THNSL1: variants seen among roughly 807,000 people sequenced by gnomAD.
THNSL1 encodes threonine synthase like 1.
Under a neutral mutation model 50.4 loss-of-function variants are expected in THNSL1, and 48 were observed. The observed-to-expected ratio is 0.95, with a 90% confidence interval of 0.76 to 1.21. THNSL1 has a LOEUF of 1.21. THNSL1 is among the 50% of genes most tolerant of loss of function. THNSL1 has a pLI of 0.00. For missense variants in THNSL1, 896 were observed against 871.7 expected (o/e 1.03, Z -0.35); for synonymous variants, 309 against 306.1 (o/e 1.01, Z -0.10).
the THNSL1 span, among the ~76,000 whole-genome samples, chr10:24,959,325 A>G: frequency 6.6e-6 from 1 of 152,216 alleles, no homozygotes; most frequent in Non-Finnish European, 1.5e-5. Context: ...CACTGGCAAT[A>G]TCCCAAGACA....
At chr10:24,984,815 T>C in the THNSL1 span, 8,952 of 1,613,864 alleles carry the variant, frequency 5.5e-3, 29 homozygotes, top group Non-Finnish European at 6.3e-3. Flanking sequence ...TCTTCCAGCC[T>C]CTGCTTGCGG....
At chr10:24,977,951 C>A in the THNSL1 span, among the ~76,000 whole-genome samples, 11 of 152,174 alleles carry the variant, frequency 7.2e-5, no homozygotes, top group Non-Finnish European at 1.5e-5. Context: ...GCTTCACAGA[C>A]ATCACTGACT....
At chr10:24,976,918 C>A in the THNSL1 span, among the ~76,000 whole-genome samples, 6 of 152,170 alleles carry the variant, frequency 3.9e-5, no homozygotes, top group Admixed American at 3.3e-4. Flanking sequence ...CAGATTAAAC[C>A]AATGAATTTA....
At chr10:24,959,983 T>C in the THNSL1 span, among the ~76,000 whole-genome samples, 1 of 152,218 alleles carries the variant, frequency 6.6e-6, no homozygotes, top group Admixed American at 6.5e-5. Context: ...CAGATTGACA[T>C]GCAACTTGGT....
chr10:24,990,750 G>C, the THNSL1 span: 1 of 843,656 alleles, frequency 1.2e-6, no homozygotes, highest in East Asian at 2.8e-5. Flanking sequence ...ACAAAATTCA[G>C]TGACTTTTTT....
chr10:25,020,811 G>T (rs1288276260), intron 1 of THNSL1, among the ~76,000 whole-genome samples: 4 of 151,916 alleles, frequency 2.6e-5, no homozygotes, highest in Middle Eastern at 3.4e-3. Flanking sequence ...ACTAATACAG[G>T]TATCAGAAAG....
chr10:24,960,540 C>T, the THNSL1 span, among the ~76,000 whole-genome samples: 1 of 152,186 alleles, frequency 6.6e-6, no homozygotes, highest in African/African-American at 2.4e-5. Flanking sequence ...GATTCTCCTG[C>T]CTCAGCCACC....
the THNSL1 span, among the ~76,000 whole-genome samples, chr10:24,997,597 C>A: frequency 1.3e-5 from 2 of 151,946 alleles, no homozygotes; most frequent in Non-Finnish European, 2.9e-5. Context: ...CTTTGTTGCT[C>A]AGGCTGGTCT....
chr10:25,011,854 A>G (rs1850453055), upstream of THNSL1, among the ~76,000 whole-genome samples: 1 of 152,270 alleles, frequency 6.6e-6, no homozygotes, highest in East Asian at 1.9e-4. Context: ...AGAAATTTGC[A>G]TAAGGAGAAG....
chr10:24,964,841 T>A, the THNSL1 span, among the ~76,000 whole-genome samples: 3 of 152,152 alleles, frequency 2.0e-5, no homozygotes, highest in African/African-American at 7.2e-5. Context: ...GGTGGGCAGA[T>A]GGTTTGAGCC....
rs1375635195 is a variant in THNSL1 at position 25,026,420 on chromosome 10, A to G, written c.*965A>G. ...AGGAAGGTTTTCCAAAATTAAGAGT[A>G]CTTGAGTAGTCTCAATAGGAGTGTA... On this transcript the variant is annotated 3_prime_UTR_variant, in exon 3 of 3. Coordinates refer to ENST00000376356, the MANE Select transcript of THNSL1 (RefSeq NM_024838.5). 1 of 167,080 alleles carries G rather than the reference A, an allele frequency of 6.0e-6. No individual in the cohort carries two copies. Among genetic ancestry groups the G allele is most frequent in the Non-Finnish European group, 1.5e-5 (1 of 68,122 alleles). 10.3% of individuals were successfully genotyped at this position (167,080 alleles called of 1,614,324 possible). A position where few individuals can be genotyped will look rare whatever the true frequency, so the allele number is the denominator to read the frequency against.
At chr10:24,990,397 T>C in the THNSL1 span, 34 of 1,539,438 alleles carry the variant, frequency 2.2e-5, no homozygotes, top group Non-Finnish European at 2.7e-5. Context: ...ATCAAAGTGA[T>C]GGTACACCTT....
the THNSL1 span, among the ~76,000 whole-genome samples, chr10:24,986,914 T>C: frequency 3.9e-5 from 6 of 152,228 alleles, no homozygotes; most frequent in Non-Finnish European, 8.8e-5. Context: ...ATTTTAAAGC[T>C]GAAATAATAT....
the THNSL1 span, among the ~76,000 whole-genome samples, chr10:24,995,070 C>T: frequency 1.3e-5 from 2 of 152,092 alleles, no homozygotes; most frequent in Non-Finnish European, 2.9e-5. Flanking sequence ...AATTACACAC[C>T]TTTTCAGATA....
the THNSL1 span, among the ~76,000 whole-genome samples, chr10:24,998,761 A>G: frequency 6.6e-6 from 1 of 152,154 alleles, no homozygotes; most frequent in Non-Finnish European, 1.5e-5. Context: ...GGGATCAAGT[A>G]TATAATTTTT....
rs374906882 is a variant in THNSL1, at chr10:25,024,863, G to T, written c.1640G>T (p.Gly547Val). 2.7e-5 allele frequency: 44 copies of T among 1,613,880 alleles called. No individual in the cohort carries two copies. The highest frequency in any genetic ancestry group is 2.2e-5 in the South Asian group (2 of 91,076). Residue 547 changes from glycine (G) to valine (V), a missense_variant, in exon 3 of 3, where the codon GGA becomes GTA. Gly to Val is a moderately radical substitution (Grantham distance 109). Transcript: ENST00000376356. ...GTTTTGACTGATTTTATAAAAACAG[G>T]ACATTATGATCTAAGGGAAAGAAAA... ...NHVLTDFIKTGHYDLRERKLA... is the reference protein window; with the variant it reads ...NHVLTDFIKTVHYDLRERKLA...
the THNSL1 span, among the ~76,000 whole-genome samples, chr10:24,998,597 C>T: frequency 6.6e-6 from 1 of 151,784 alleles, no homozygotes; most frequent in Admixed American, 6.6e-5. Flanking sequence ...TGCCCAGGTG[C>T]TCTCTTTTCT....
chr10:25,024,232 C>T lies in THNSL1; in HGVS notation c.1009C>T (p.Gln337Ter). 2 of 1,614,174 alleles carry T rather than the reference C, an allele frequency of 1.2e-6. No individual in the cohort carries two copies. The highest frequency in any genetic ancestry group is 1.7e-6 in the Non-Finnish European group (2 of 1,180,022). Residue 337 changes from glutamine (Q) to a stop codon, truncating the protein, a stop_gained, in exon 3 of 3, where the codon CAG (glutamine) becomes TAG (stop). Coordinates refer to ENST00000376356, the MANE Select transcript of THNSL1 (RefSeq NM_024838.5). LOFTEE classifies it high-confidence loss of function. The part of the protein sequence containing the change: ...IAPVRHLSGN[Q>*]FILELFHGPT... Reference sequence around the variant, plus strand: ...TCCTGTCAGGCACCTTTCAGGCAACCAGTTCATCCTGGAGTTGTTTCATGG... The same window carrying T: ...TCCTGTCAGGCACCTTTCAGGCAACTAGTTCATCCTGGAGTTGTTTCATGG...
the THNSL1 span, among the ~76,000 whole-genome samples, chr10:24,964,673 T>C: frequency 6.6e-6 from 1 of 152,206 alleles, no homozygotes; most frequent in Non-Finnish European, 1.5e-5. Flanking sequence ...GACTAAGCAA[T>C]GTACTTATGA....
Sources: allele counts gnomAD v4.1 joint callset (sites outside exome capture counted in the v4.1 genomes callset), GRCh38; gene constraint gnomAD v4.1.1; transcripts MANE v1.5; gene names NCBI Gene and HGNC (gene_info 2026-07-23, HGNC 2026-07-21).